PIEZO2: variants seen among roughly 807,000 people sequenced by gnomAD.
PIEZO2 encodes the protein piezo-type mechanosensitive ion channel component 2.
In PIEZO2, 172 loss-of-function variants were observed where a neutral mutation model predicts 337.3. That is an observed-to-expected ratio of 0.51 (90% CI 0.45 to 0.58). PIEZO2 has a LOEUF of 0.58. Ranked by LOEUF, PIEZO2 falls within the 20% of genes least tolerant of loss-of-function variation. PIEZO2 has a pLI of 0.00. For missense variants in PIEZO2, 3,028 were observed against 3,391.3 expected, an observed-to-expected ratio of 0.89 and a Z score of 2.66; for synonymous variants, 1,251 against 1,228.5, an observed-to-expected ratio of 1.02 and a Z score of -0.38.
At chr18:10,885,449 G>T (rs2042551037) in intron 4 of PIEZO2, among the ~76,000 whole-genome samples, 1 of 151,942 alleles carries the variant, frequency 6.6e-6, no homozygotes, top group Non-Finnish European at 1.5e-5. Context: ...AATAAAAAGG[G>T]AATAAAACAC....
intron 3 of PIEZO2, among the ~76,000 whole-genome samples, chr18:10,956,099 T>C (rs2033509176): frequency 6.6e-6 from 1 of 152,158 alleles, no homozygotes; most frequent in Admixed American, 6.5e-5. Context: ...GATGTGGCTA[T>C]CTGGAAATGA....
rs763188095 is a variant in PIEZO2 at position 10,689,802 on chromosome 18, C to G, written c.7350G>C (p.Gly2450=). 4.4e-6 allele frequency: 7 copies of G among 1,605,548 alleles called. No homozygotes were observed. The South Asian group carries it at 7.8e-5, about 18-fold the overall frequency. ...YNYVNLFLFQ[G]FRLVPFLTEL... is the part of the protein sequence containing the mutation. ...CAGTCAAAAAGGGCACGAGGCGAAA[C>G]CTGGCAGGAAACACATCTCGTCAGA... The change falls in exon 49 of 56, where the codon GGG becomes GGC. Residue 2450 remains glycine, a splice_region_variant and synonymous_variant. Transcript: ENST00000674853.
rs1402215812 is a variant in PIEZO2, at chr18:10,855,341, G to A, written c.917+12C>T. On this transcript the variant is annotated intron_variant, in intron 7 of 55. Transcript: ENST00000674853. This position sits in a 1 kb window ranked among gnomAD's most constrained non-coding sequence, Gnocchi z 4.9. Reference sequence around the variant, plus strand: ...CAACCTCTCCTGGAAATGCCATAAGGATTTCTCTTACCTTGCATAGTAGTC... The same window carrying A: ...CAACCTCTCCTGGAAATGCCATAAGAATTTCTCTTACCTTGCATAGTAGTC... The A allele has an allele frequency of 6.6e-7, 1 of 1,523,734 alleles. No individual in the cohort carries two copies. Among genetic ancestry groups the A allele is most frequent in the Admixed American group, 2.0e-5 (1 of 50,964 alleles). 94.4% of individuals were successfully genotyped at this position (1,523,734 alleles called of 1,614,324 possible). A position where few individuals can be genotyped will look rare whatever the true frequency, so the allele number is the denominator to read the frequency against.
chr18:10,672,577 T>C lies in PIEZO2; in HGVS notation c.8345+113A>G, dbSNP rs2033825243. 7 of 1,154,668 alleles carry C rather than the reference T, an allele frequency of 6.1e-6. No individual in the cohort carries two copies. Among genetic ancestry groups the C allele is most frequent in the East Asian group, 2.4e-5 (1 of 41,990 alleles). 71.5% of individuals were successfully genotyped at this position (1,154,668 alleles called of 1,614,324 possible). Reference sequence around the variant, plus strand: ...GCACACAAGGATGTGTGCATTTTAATACTGCAGCTCTAAAATTAGCGAATT... The same window carrying C: ...GCACACAAGGATGTGTGCATTTTAACACTGCAGCTCTAAAATTAGCGAATT... On this transcript the variant is annotated intron_variant, in intron 55 of 55. Transcript: ENST00000674853. This position sits in a 1 kb window ranked among gnomAD's most constrained non-coding sequence, Gnocchi z 4.7.
intron 3 of PIEZO2, among the ~76,000 whole-genome samples, chr18:10,921,818 G>A (rs557033381): frequency 5.9e-5 from 9 of 152,230 alleles, no homozygotes; most frequent in Admixed American, 3.9e-4. Flanking sequence ...GCCTGAGGGT[G>A]GGTCTCTGAA....
At chr18:10,930,913 G>A (rs930191837) in intron 3 of PIEZO2, among the ~76,000 whole-genome samples, 1 of 152,206 alleles carries the variant, frequency 6.6e-6, no homozygotes, top group Non-Finnish European at 1.5e-5. Flanking sequence ...AAAGCACCAT[G>A]GTATGACATA....
intron 7 of PIEZO2, among the ~76,000 whole-genome samples, chr18:10,829,895 C>A: frequency 6.7e-6 from 1 of 150,312 alleles, no homozygotes; most frequent in Non-Finnish European, 1.5e-5. Flanking sequence ...CAGTGCAATC[C>A]ATATAAAAAT....
chr18:10,726,695 AGGTGTACCTGAAC>A lies in PIEZO2; in HGVS notation c.5029+4699_5029+4711del. ...CTGCCAAGTTAATTCAGCAAGGACC[AGGTGTACCTGAAC>A]GGCATCCTGTGCATTCTGGGACATC... On this transcript the variant is annotated intron_variant, in intron 36 of 55. Transcript: ENST00000674853. The surrounding 1 kb of genome is among the most constrained non-coding windows in gnomAD (Gnocchi z 5.9). 7.0e-7 allele frequency: 1 copy of A among 1,431,832 alleles called. No individual in the cohort carries two copies. The highest frequency in any genetic ancestry group is 9.7e-7 in the Non-Finnish European group (1 of 1,027,632). The allele number at this position is 1,431,832 out of a possible 1,614,324, so 88.7% of individuals were successfully genotyped here. A position where few individuals can be genotyped will look rare whatever the true frequency, so the allele number is the denominator to read the frequency against.
chr18:11,138,093 C>G (rs1280874212), intron 1 of PIEZO2, among the ~76,000 whole-genome samples: 1 of 152,104 alleles, frequency 6.6e-6, no homozygotes, highest in African/African-American at 2.4e-5. Context: ...GAAACTAGAC[C>G]TAACTCTATT....
intron 21 of PIEZO2, 94 bp downstream of exon 21, chr18:10,770,054 G>C: frequency 7.7e-7 from 1 of 1,301,420 alleles, no homozygotes; most frequent in Non-Finnish European, 1.0e-6. Context: ...ATGTAATGCG[G>C]ATCACATTAA....
intron 1 of PIEZO2, among the ~76,000 whole-genome samples, chr18:11,088,089 A>G (rs560678117): frequency 2.6e-5 from 4 of 152,334 alleles, no homozygotes; most frequent in East Asian, 1.9e-4. Context: ...GCAGACCTCA[A>G]TGTATACTTG....
At position 10,787,187 on chromosome 18, in the gene PIEZO2, G is replaced by A. The variant is rs1209338284; in HGVS notation, c.2170-3C>T. 1.3e-6 allele frequency: 2 copies of A among 1,490,346 alleles called. No individual in the cohort carries two copies. Among genetic ancestry groups the A allele is most frequent in the East Asian group, 2.5e-5 (1 of 40,340 alleles). 92.3% of individuals were successfully genotyped at this position (1,490,346 alleles called of 1,614,324 possible). A position where few individuals can be genotyped will look rare whatever the true frequency, so the allele number is the denominator to read the frequency against. ...TTCCTCCACCATTCATAGTGCACCTGCAAATCAGACATTGAAAAAAAAAAA... is the reference window on the plus strand; with the variant it reads ...TTCCTCCACCATTCATAGTGCACCTACAAATCAGACATTGAAAAAAAAAAA... On this transcript the variant is annotated splice_polypyrimidine_tract_variant and splice_region_variant and intron_variant, in intron 15 of 55. Coordinates refer to ENST00000674853, the MANE Select transcript of PIEZO2 (RefSeq NM_001378183.1).
At chr18:10,832,406 C>T (rs534662209) in intron 7 of PIEZO2, among the ~76,000 whole-genome samples, 26 of 152,130 alleles carry the variant, frequency 1.7e-4, no homozygotes, top group Non-Finnish European at 2.6e-4. Flanking sequence ...TTGATGGAGG[C>T]TCACATAGAG....
intron 7 of PIEZO2, among the ~76,000 whole-genome samples, chr18:10,808,404 T>A (rs2040067523): frequency 1.3e-5 from 2 of 152,214 alleles, no homozygotes; most frequent in Admixed American, 6.5e-5. Flanking sequence ...TTTGCACTTT[T>A]ATATGTGAAT....
chr18:11,086,390 G>A (rs1316452205), intron 1 of PIEZO2, among the ~76,000 whole-genome samples: 2 of 151,530 alleles, frequency 1.3e-5, no homozygotes, highest in East Asian at 3.9e-4. Context: ...CGTGGTGCGG[G>A]CGCCTGTAGT....
At chr18:10,955,372 A>T (rs749385178) in intron 3 of PIEZO2, among the ~76,000 whole-genome samples, 4 of 152,180 alleles carry the variant, frequency 2.6e-5, no homozygotes, top group African/African-American at 4.8e-5. Flanking sequence ...GTAGTCCTTG[A>T]ATCTGGTCTA....
intron 7 of PIEZO2, among the ~76,000 whole-genome samples, chr18:10,825,093 A>C (rs2040628658): frequency 6.6e-6 from 1 of 152,056 alleles, no homozygotes; most frequent in Admixed American, 6.6e-5. Context: ...TGAACTCCTG[A>C]CCTCAGGTGA....
At chr18:10,909,802 T>C (rs2030299119) in intron 4 of PIEZO2, among the ~76,000 whole-genome samples, 3 of 152,226 alleles carry the variant, frequency 2.0e-5, no homozygotes, top group African/African-American at 7.2e-5. Flanking sequence ...AAGCTGGGCA[T>C]GACTTTCCAT....
At position 11,143,131 on chromosome 18, in the gene PIEZO2, C is replaced by T. The variant is rs1773981751; in HGVS notation, c.64+5394G>A. Among the ~76,000 whole-genome samples the T allele has an allele frequency of 6.6e-6, 1 of 152,084 alleles. No individual in the cohort carries two copies. Among genetic ancestry groups the T allele is most frequent in the African/African-American group, 2.4e-5 (1 of 41,416 alleles). On this transcript the variant is annotated intron_variant, in intron 1 of 55. Coordinates refer to ENST00000674853, the MANE Select transcript of PIEZO2 (RefSeq NM_001378183.1). The surrounding 1 kb of genome is among the most constrained non-coding windows in gnomAD (Gnocchi z 4.9). ...GTTTTCCAATATTTTTGTTTTTAGCCTCAGTTCAATGGGATTTTTTTTTGA... is the reference window on the plus strand; with the variant it reads ...GTTTTCCAATATTTTTGTTTTTAGCTTCAGTTCAATGGGATTTTTTTTTGA...
Sources: allele counts gnomAD v4.1 joint callset (sites outside exome capture counted in the v4.1 genomes callset), GRCh38; gene constraint gnomAD v4.1.1; non-coding constraint Gnocchi (gnomAD v3.1); transcripts MANE v1.5; gene names NCBI Gene and HGNC (gene_info 2026-07-23, HGNC 2026-07-21).